The following CRYBG2 variants were observed in gnomAD, a reference collection of about 807,000 sequenced individuals.
CRYBG2 encodes the protein beta/gamma crystallin domain-containing protein 2.
Under a neutral mutation model 153.4 loss-of-function variants are expected in CRYBG2, and 106 were observed. That is an observed-to-expected ratio of 0.69 (90% CI 0.59 to 0.81). The LOEUF is 0.81. Among genes scored for constraint, CRYBG2 ranks in the 30% least tolerant of loss-of-function variants. The pLI is 0.00. For synonymous variants in CRYBG2, 851 were observed against 877.8 expected (o/e 0.97, Z 0.54); for missense variants, 1,996 against 2,112.0 (o/e 0.95, Z 1.08).
At chr1:26,330,538 C>CTTTT (rs35886545) in intron 15 of CRYBG2, among the ~76,000 whole-genome samples, 6 of 118,108 alleles carry the variant, frequency 5.1e-5, no homozygotes, top group African/African-American at 1.0e-4. Context: ...TGTGGCAAGC[C>CTTTT]TTTTTTTTTT....
chr1:26,323,703 C>G (rs1462763667), intron 18 of CRYBG2, among the ~76,000 whole-genome samples: 1 of 152,072 alleles, frequency 6.6e-6, no homozygotes, highest in African/African-American at 2.4e-5. Flanking sequence ...ACTGCAGCCT[C>G]TAACTCCTGG....
intron 17 of CRYBG2, among the ~76,000 whole-genome samples, chr1:26,326,389 T>G (rs2124692220): frequency 1.3e-5 from 2 of 151,708 alleles, no homozygotes; most frequent in East Asian, 3.9e-4. Context: ...TACAAAAAAA[T>G]TAGCCGGGCA....
intron 1 of CRYBG2, among the ~76,000 whole-genome samples, chr1:26,350,315 C>T (rs2074273243): frequency 6.6e-6 from 1 of 152,156 alleles, no homozygotes; most frequent in Non-Finnish European, 1.5e-5. Flanking sequence ...TCCCTAGGAA[C>T]TCTCAGGTGA....
Position 26,343,942 on chromosome 1 carries a change from C to T in CRYBG2, c.2716G>A (p.Gly906Ser). The change falls in exon 2 of 20, where the codon GGC becomes AGC. Residue 906 changes from glycine to serine, a missense_variant. Transcript: ENST00000308182. The surrounding 1 kb of genome is among the most constrained non-coding windows in gnomAD (Gnocchi z 4.1). ...GGSRPTSRLG[G>S]SLLFGSLVPT... ...ACCAGACTGCCGAACAGAAGGCTGC[C>T]TCCAAGACGGGAAGTGGGCCTGCTG... is the stretch of plus-strand genomic sequence containing the variant. 1.3e-6 allele frequency: 2 copies of T among 1,539,714 alleles called. No individual in the cohort carries two copies. The highest frequency in any genetic ancestry group is 1.7e-6 in the Non-Finnish European group (2 of 1,145,804).
chr1:26,334,976 C>T (rs552608138), intron 14 of CRYBG2, among the ~76,000 whole-genome samples: 1 of 152,146 alleles, frequency 6.6e-6, no homozygotes, highest in South Asian at 2.1e-4. Context: ...AGGAAACTCC[C>T]AACAGCATTC....
In CRYBG2 at chr1:26,343,688, A is replaced by G. The variant is rs113786598; in HGVS notation, c.2913+57T>C. On this transcript the variant is annotated intron_variant, in intron 2 of 19. Coordinates refer to ENST00000308182, the MANE Select transcript of CRYBG2 (RefSeq NM_001039775.4). This position sits in a 1 kb window ranked among gnomAD's most constrained non-coding sequence, Gnocchi z 4.1. ...CAGCACCACTCTCTTCACACCACTC[A>G]AGCCTTGACCCAGGTGAGGCCAGGC... is the stretch of plus-strand genomic sequence containing the variant. 3.9e-4 allele frequency: 562 copies of G among 1,433,924 alleles called. 1 individual carries two copies. The African/African-American group carries it at 7.3e-3, about 19-fold the overall frequency. The allele number at this position is 1,433,924 out of a possible 1,614,324, so 88.8% of individuals were successfully genotyped here. A position where few individuals can be genotyped will look rare whatever the true frequency, so the allele number is the denominator to read the frequency against.
At position 26,352,214 on chromosome 1, in the gene CRYBG2, T is replaced by C. The variant is rs377566669; in HGVS notation, c.-56+1822A>G. Among the ~76,000 whole-genome samples, 7 of 152,002 alleles carry C rather than the reference T, an allele frequency of 4.6e-5. No homozygotes were observed. The South Asian group carries it at 6.2e-4, about 14-fold the overall frequency. On this transcript the variant is annotated intron_variant, in intron 1 of 19. Coordinates refer to ENST00000308182, the MANE Select transcript of CRYBG2 (RefSeq NM_001039775.4). ...ACGCAGGCACAGACACACAGACAGA[T>C]ACCGACACAGACCCACAATCACACA...
chr1:26,346,862 C>T lies in CRYBG2; in HGVS notation c.-55-150G>A. The T allele has an allele frequency of 5.4e-6, 3 of 560,378 alleles. No individual in the cohort carries two copies. The highest frequency in any genetic ancestry group is 9.3e-6 in the Non-Finnish European group (3 of 321,198). 34.7% of individuals were successfully genotyped at this position (560,378 alleles called of 1,614,324 possible). On this transcript the variant is annotated intron_variant, in intron 1 of 19. Transcript: ENST00000308182. The surrounding 1 kb of genome is among the most constrained non-coding windows in gnomAD (Gnocchi z 4.9). ...ATTGCTTTCTCATCTGTGAAATGGG[C>T]ATGGTAGTCTCAGCTCTGATTTGGT... is the stretch of plus-strand genomic sequence containing the variant.
In CRYBG2 at chr1:26,322,214, G is replaced by A. The variant is rs113834286; in HGVS notation, c.4847C>T (p.Ser1616Leu). The A allele has an allele frequency of 3.0e-3, 4,844 of 1,614,170 alleles. 126 individuals are homozygous for A. The African/African-American group carries it at 0.055, about 18-fold the overall frequency. The change falls in exon 19 of 20, where the codon TCG becomes TTG. Residue 1616 changes from serine to leucine, a missense_variant. Ser to Leu is a moderately radical substitution (Grantham distance 145). Coordinates refer to ENST00000308182, the MANE Select transcript of CRYBG2 (RefSeq NM_001039775.4). ...GAACATCTGGCTGCAGATGTGGCCC[G>A]ATTCACTGATGCTCCACGTCTGGCG... The part of the protein sequence containing the change: ...LPRQTWSISE[S>L]GHICSQMFEG...
chr1:26,330,040 T>A (rs1390528330), intron 15 of CRYBG2, among the ~76,000 whole-genome samples: 1 of 152,192 alleles, frequency 6.6e-6, no homozygotes, highest in African/African-American at 2.4e-5. Context: ...CGGCCCAAAG[T>A]GCTAGAATTA....
rs1191532937 is a variant in CRYBG2, at chr1:26,343,359, G to T, written c.2914-66C>A. ...CCTCTTTTCTGCCTCCCCACAACCC[G>T]CCATTCCAAGGATCCCACATCCTCC... On this transcript the variant is annotated intron_variant, in intron 2 of 19. Transcript: ENST00000308182. This position sits in a 1 kb window ranked among gnomAD's most constrained non-coding sequence, Gnocchi z 4.1. 1 of 1,508,380 alleles carries T rather than the reference G, an allele frequency of 6.6e-7. No individual in the cohort carries two copies. The highest frequency in any genetic ancestry group is 9.0e-7 in the Non-Finnish European group (1 of 1,109,214). 93.4% of individuals were successfully genotyped at this position (1,508,380 alleles called of 1,614,324 possible). A position where few individuals can be genotyped will look rare whatever the true frequency, so the allele number is the denominator to read the frequency against.
rs1434913481 is a variant in CRYBG2 at position 26,344,785 on chromosome 1, C to T, written c.1873G>A (p.Ala625Thr). 2.0e-6 allele frequency: 3 copies of T among 1,533,446 alleles called. No individual in the cohort carries two copies. The highest frequency in any genetic ancestry group is 1.4e-5 in the African/African-American group (1 of 73,092). 95.0% of individuals were successfully genotyped at this position (1,533,446 alleles called of 1,614,324 possible). A position where few individuals can be genotyped will look rare whatever the true frequency, so the allele number is the denominator to read the frequency against. ...ACCTCAGTTGACTTGGGGGACAAGG[C>T]AGCAGGAGCACCAGACCCCTGCACC... ...EVVQGSGAPA[A>T]LSPKSTEVVQ... The change falls in exon 2 of 20, where the codon GCC becomes ACC. Residue 625 changes from alanine (A) to threonine (T), a missense_variant. Coordinates refer to ENST00000308182, the MANE Select transcript of CRYBG2 (RefSeq NM_001039775.4).
intron 17 of CRYBG2, among the ~76,000 whole-genome samples, chr1:26,326,112 G>A (rs2073922130): frequency 6.6e-6 from 1 of 151,658 alleles, no homozygotes; most frequent in Non-Finnish European, 1.5e-5. Flanking sequence ...GGCTGGTCTC[G>A]AACTCCTGGG....
chr1:26,325,883 C>T lies in CRYBG2; in HGVS notation c.4579-1573G>A, dbSNP rs191798405. 2.3e-4 allele frequency among the ~76,000 whole-genome samples: 35 copies of T among 152,294 alleles called. 1 individual carries two copies. The South Asian group carries it at 3.5e-3, about 15-fold the overall frequency. On this transcript the variant is annotated intron_variant, in intron 17 of 19. Coordinates refer to ENST00000308182, the MANE Select transcript of CRYBG2 (RefSeq NM_001039775.4). This position sits in a 1 kb window ranked among gnomAD's most constrained non-coding sequence, Gnocchi z 4.1. ...ACTACCAGTGGGTGGTCCATGAGAT[C>T]ACTTTCAGTCCTATGTGGCTAAACT... is the stretch of plus-strand genomic sequence containing the variant.
rs2074037333 is a variant in CRYBG2 at position 26,334,958 on chromosome 1, C to CA, written c.4184+1136dup. 2.1e-5 allele frequency among the ~76,000 whole-genome samples: 3 copies of CA among 144,216 alleles called. No individual in the cohort carries two copies. The South Asian group carries it at 6.5e-4, about 31-fold the overall frequency. 94.6% of individuals were successfully genotyped at this position (144,216 alleles called of 152,430 possible). A position where few individuals can be genotyped will look rare whatever the true frequency, so the allele number is the denominator to read the frequency against. ...CAAACAAAACAAACAAACAAACAAACAAAAAACAGGAAACTCCCAACAGCA... is the reference window on the plus strand; with the variant it reads ...CAAACAAAACAAACAAACAAACAAACAAAAAAACAGGAAACTCCCAACAGCA... On this transcript the variant is annotated intron_variant, in intron 14 of 19. Transcript: ENST00000308182.
chr1:26,332,892 T>C (rs2074013491), intron 14 of CRYBG2, among the ~76,000 whole-genome samples: 1 of 150,560 alleles, frequency 6.6e-6, no homozygotes, highest in African/African-American at 2.4e-5. Flanking sequence ...TGTAATAAAA[T>C]GGAGGAGAAG....
In CRYBG2 at chr1:26,336,888, C is replaced by T; in HGVS notation, c.3864G>A (p.Leu1288=). 1 of 1,610,472 alleles carries T rather than the reference C, an allele frequency of 6.2e-7. No homozygotes were observed. Among genetic ancestry groups the T allele is most frequent in the East Asian group, 2.2e-5 (1 of 44,644 alleles). ...EVSKALPDVE[L]VQHGPSTQAI... ...CCTGTGTGCTGGGGCCGTGTTGCAC[C>T]AGCTCCACATCCGGCAATGCCTTGC... Residue 1288 remains leucine (L), a synonymous_variant, in exon 11 of 20, where the codon CTG becomes CTA. Coordinates refer to ENST00000308182, the MANE Select transcript of CRYBG2 (RefSeq NM_001039775.4). The surrounding 1 kb of genome is among the most constrained non-coding windows in gnomAD (Gnocchi z 4.9).
chr1:26,351,534 C>T (rs1320344869), intron 1 of CRYBG2, among the ~76,000 whole-genome samples: 1 of 152,146 alleles, frequency 6.6e-6, no homozygotes, highest in African/African-American at 2.4e-5. Context: ...AGGAATTAGA[C>T]ATAAAAACAG....
chr1:26,337,070 A>T, intron 10 of CRYBG2, 90 bp from the exon 11 acceptor site: 1 of 1,571,848 alleles, frequency 6.4e-7, no homozygotes, highest in East Asian at 2.3e-5. Flanking sequence ...CCACCCGGGG[A>T]ATTAGGGGTG....
Sources: gnomAD v4.1 joint callset for allele counts (sites outside exome capture counted in the v4.1 genomes callset) on GRCh38, gnomAD v4.1.1 for gene constraint, Gnocchi (gnomAD v3.1) non-coding constraint, MANE v1.5 for transcripts, NCBI Gene and HGNC (gene_info 2026-07-23, HGNC 2026-07-21) for gene names.